Variants in CCDC148 observed in about 807,000 individuals in gnomAD.
CCDC148 encodes the protein coiled-coil domain containing 148, also known as coiled-coil domain-containing protein 148.
CCDC148 carries 89 observed loss-of-function variants against 85.7 expected under a neutral mutation model. The observed-to-expected ratio is 1.04, with a 90% CI of 0.87 to 1.24. The LOEUF is 1.24. Ranked by LOEUF, CCDC148 falls within the 50% of genes most tolerant of loss-of-function variation. The pLI is 0.00. For missense variants in CCDC148, 692 were observed against 671.7 expected (o/e 1.03, Z -0.33); for synonymous variants, 230 against 213.9 (o/e 1.08, Z -0.66).
At chr2:158,206,426 C>T (rs1686249382) in intron 11 of CCDC148, among the ~76,000 whole-genome samples, 1 of 138,230 alleles carries the variant, frequency 7.2e-6, no homozygotes, top group Non-Finnish European at 1.6e-5. Flanking sequence ...AAAAAATGAG[C>T]CAGTTTTACA....
At chr2:158,366,578 C>T (rs1015794108) in intron 1 of CCDC148, among the ~76,000 whole-genome samples, 3 of 152,118 alleles carry the variant, frequency 2.0e-5, no homozygotes, top group Non-Finnish European at 4.4e-5. Context: ...AGAAGAGCCT[C>T]GTCCAAAGGC....
At chr2:158,229,247 C>A (rs896247886) in intron 10 of CCDC148, among the ~76,000 whole-genome samples, 2 of 152,176 alleles carry the variant, frequency 1.3e-5, no homozygotes, top group Admixed American at 1.3e-4. Context: ...ACCTGCCCTA[C>A]CCACTTCCAA....
At chr2:158,192,458 T>C (rs1685467137) in intron 11 of CCDC148, among the ~76,000 whole-genome samples, 1 of 151,670 alleles carries the variant, frequency 6.6e-6, no homozygotes, top group Admixed American at 6.6e-5. Flanking sequence ...CAGGGTTTAC[T>C]AAGCAAATCA....
At chr2:158,350,850 T>C (rs1254086594) in intron 2 of CCDC148, among the ~76,000 whole-genome samples, 1 of 152,196 alleles carries the variant, frequency 6.6e-6, no homozygotes, top group Non-Finnish European at 1.5e-5. Flanking sequence ...TCAGGGTATT[T>C]TGCACGGCCA....
chr2:158,212,117 A>ATATAC (rs1298344911), intron 11 of CCDC148, among the ~76,000 whole-genome samples: 33 of 152,310 alleles, frequency 2.2e-4, no homozygotes, highest in African/African-American at 6.5e-4. Flanking sequence ...ATACATATAA[A>ATATAC]ATACAAAACA....
chr2:158,283,839 T>C (rs1404051543), intron 9 of CCDC148, among the ~76,000 whole-genome samples: 7 of 151,998 alleles, frequency 4.6e-5, no homozygotes, highest in African/African-American at 1.2e-4. Flanking sequence ...ATGTTTATTG[T>C]GGCACTATTG....
At chr2:158,376,707 C>T (rs111228009) in intron 1 of CCDC148, among the ~76,000 whole-genome samples, 39 of 151,936 alleles carry the variant, frequency 2.6e-4, no homozygotes, top group African/African-American at 8.2e-4. Context: ...GAAAAAGAAA[C>T]GCAGAGGGAA....
chr2:158,420,663 G>A (rs1347153912), intron 1 of CCDC148, among the ~76,000 whole-genome samples: 1 of 152,120 alleles, frequency 6.6e-6, no homozygotes, highest in Admixed American at 6.6e-5. Context: ...TCGATGCTAG[G>A]AAGAAACTGC....
At chr2:158,440,690 C>G (rs1439112703) in intron 1 of CCDC148, among the ~76,000 whole-genome samples, 1 of 152,180 alleles carries the variant, frequency 6.6e-6, no homozygotes, top group Non-Finnish European at 1.5e-5. Flanking sequence ...AATGTGGTCT[C>G]TCTTTCAAAA....
chr2:158,357,922 T>C (rs1026254222), intron 2 of CCDC148, among the ~76,000 whole-genome samples: 1 of 152,188 alleles, frequency 6.6e-6, no homozygotes, highest in Admixed American at 6.5e-5. Context: ...AATCACAGTG[T>C]GTGAGTAATC....
At chr2:158,209,078 A>G (rs1434447127) in intron 11 of CCDC148, among the ~76,000 whole-genome samples, 4 of 150,270 alleles carry the variant, frequency 2.7e-5, no homozygotes, top group Non-Finnish European at 5.9e-5. Flanking sequence ...TTATATATAC[A>G]TACATACATG....
At chr2:158,375,137 T>C (rs1294855318) in intron 1 of CCDC148, among the ~76,000 whole-genome samples, 1 of 152,048 alleles carries the variant, frequency 6.6e-6, no homozygotes, top group African/African-American at 2.4e-5. Flanking sequence ...ACCAAGTGGG[T>C]TCTACTGGTG....
intron 1 of CCDC148, among the ~76,000 whole-genome samples, chr2:158,389,611 A>G (rs1685224832): frequency 6.6e-6 from 1 of 152,228 alleles, no homozygotes; most frequent in Non-Finnish European, 1.5e-5. Context: ...CATAGAGCTA[A>G]GTGAAAAATG....
intron 7 of CCDC148, among the ~76,000 whole-genome samples, chr2:158,331,509 G>T (rs1182943050): frequency 2.0e-5 from 3 of 152,198 alleles, no homozygotes; most frequent in Non-Finnish European, 4.4e-5. Flanking sequence ...GAGTTCTGTA[G>T]ATGTCTATTA....
At chr2:158,256,541 T>C (rs1400799533) in intron 9 of CCDC148, among the ~76,000 whole-genome samples, 1 of 151,838 alleles carries the variant, frequency 6.6e-6, no homozygotes. Flanking sequence ...GGAAACAGTG[T>C]GTGATGTGGT....
chr2:158,406,224 C>A (rs1685991044), intron 1 of CCDC148, among the ~76,000 whole-genome samples: 1 of 152,084 alleles, frequency 6.6e-6, no homozygotes, highest in African/African-American at 2.4e-5. Flanking sequence ...ACCTGAATGT[C>A]CTTACACATA....
At position 158,437,762 on chromosome 2, in the gene CCDC148, T is replaced by C. The variant is rs1294007547; in HGVS notation, c.25+18653A>G. 9.2e-5 allele frequency among the ~76,000 whole-genome samples: 14 copies of C among 152,234 alleles called. No homozygotes were observed. In the East Asian group the frequency reaches 2.5e-3, roughly 27 times the overall value. The stretch of plus-strand genomic sequence containing the variant: ...TCAGCCCAAAATCTCCTTAAGCTGA[T>C]AAGCAACTTCAGCAAAGTCTCAGGA... On this transcript the variant is annotated intron_variant, in intron 1 of 13. Transcript: ENST00000283233.
chr2:158,438,685 G>A (rs1452499461), intron 1 of CCDC148, among the ~76,000 whole-genome samples: 6 of 152,122 alleles, frequency 3.9e-5, no homozygotes, highest in East Asian at 1.9e-4. Flanking sequence ...AGAGTGAACA[G>A]GCAACCTACA....
intron 1 of CCDC148, among the ~76,000 whole-genome samples, chr2:158,448,639 C>T (rs558969862): frequency 1.1e-4 from 17 of 151,938 alleles, no homozygotes; most frequent in Non-Finnish European, 2.2e-4. Context: ...CCACTGCACC[C>T]GGCCTGTATT....
Sources: gnomAD v4.1 joint callset for allele counts (sites outside exome capture counted in the v4.1 genomes callset) on GRCh38, gnomAD v4.1.1 for gene constraint, MANE v1.5 for transcripts, NCBI Gene and HGNC (gene_info 2026-07-23, HGNC 2026-07-21) for gene names.